MAT1A: variants seen among roughly 807,000 people sequenced by gnomAD.
MAT1A encodes the protein S-adenosylmethionine synthase isoform type-1.
A neutral mutation model predicts 44.0 loss-of-function variants in MAT1A; 19 were observed. The observed-to-expected ratio is 0.43, with a 90% confidence interval of 0.30 to 0.63. MAT1A has a LOEUF of 0.63. Ranked by LOEUF, MAT1A falls within the 30% of genes least tolerant of loss-of-function variation. MAT1A has a pLI of 0.12. For synonymous variants in MAT1A, 205 were observed against 205.6 expected, an observed-to-expected ratio of 1.00 and a Z score of 0.03; for missense variants, 397 against 531.0, an observed-to-expected ratio of 0.75 and a Z score of 2.48.
rs778011816 is a variant in MAT1A, at chr10:80,275,197, C to G, written c.771G>C (p.Gly257=). The change falls in exon 7 of 9, where the codon GGG becomes GGC. Residue 257 remains glycine, a splice_region_variant and synonymous_variant. Transcript: ENST00000372213. ...TCTTACGGCCAGTGACACCCGCATC[C>G]CCCTGCAGAGGGAGAGAAATCAAGA... The part of the protein sequence containing the change: ...SGRFVIGGPQ[G]DAGVTGRKII... 1 of 1,612,262 alleles carries G rather than the reference C, an allele frequency of 6.2e-7. No individual in the cohort carries two copies. Among genetic ancestry groups the G allele is most frequent in the East Asian group, 2.2e-5 (1 of 44,878 alleles).
rs747815586 is a variant in MAT1A, at chr10:80,283,988, T to C, written c.220A>G (p.Met74Val). ...MVLLCGEITS[M>V]AMVDYQRVVR... ...ACCCGCTGGTAGTCCACCATGGCCA[T>C]TGAGGTGATCTCACCACACAGCAGC... Residue 74 changes from methionine (M) to valine (V), a missense_variant, in exon 3 of 9, where the codon ATG becomes GTG. Transcript: ENST00000372213. The C allele has an allele frequency of 1.2e-6, 2 of 1,614,174 alleles. No individual in the cohort carries two copies. Among genetic ancestry groups the C allele is most frequent in the Admixed American group, 1.7e-5 (1 of 60,022 alleles).
chr10:80,288,406 G>A (rs1356732418), intron 1 of MAT1A, among the ~76,000 whole-genome samples: 1 of 152,154 alleles, frequency 6.6e-6, no homozygotes, highest in Non-Finnish European at 1.5e-5. Context: ...GTCTTGACAA[G>A]CCCTCTGGGG....
chr10:80,273,505 C>T lies in MAT1A; in HGVS notation c.*276G>A, dbSNP rs1300010636. 11 of 442,430 alleles carry T rather than the reference C, an allele frequency of 2.5e-5. No individual in the cohort carries two copies. Among genetic ancestry groups the T allele is most frequent in the South Asian group, 6.3e-5 (3 of 47,754 alleles). 27.4% of individuals were successfully genotyped at this position (442,430 alleles called of 1,614,324 possible). ...GACGAGTGAGGGAATTCACTCTTGA[C>T]GGGGGTGCCTTTTCCACTAAATTAA... is the stretch of plus-strand genomic sequence containing the variant. On this transcript the variant is annotated 3_prime_UTR_variant, in exon 9 of 9. Transcript: ENST00000372213.
Position 80,271,962 on chromosome 10 carries a change from G to A in MAT1A, c.*1819C>T, listed in dbSNP as rs1214120061. ...GTATAAAATTCTGAATTTTCATGTCGAGTGTGAGCCAAGTTAGAGGAACTT... is the reference window on the plus strand; with the variant it reads ...GTATAAAATTCTGAATTTTCATGTCAAGTGTGAGCCAAGTTAGAGGAACTT... On this transcript the variant is annotated 3_prime_UTR_variant, in exon 9 of 9. Coordinates refer to ENST00000372213, the MANE Select transcript of MAT1A (RefSeq NM_000429.3). 1.3e-5 allele frequency: 2 copies of A among 152,060 alleles called. No individual in the cohort carries two copies. The highest frequency in any genetic ancestry group is 2.4e-5 in the African/African-American group (1 of 41,416). 9.4% of individuals were successfully genotyped at this position (152,060 alleles called of 1,614,324 possible).
At chr10:80,278,786 C>T (rs1407558842) in intron 5 of MAT1A, among the ~76,000 whole-genome samples, 2 of 152,256 alleles carry the variant, frequency 1.3e-5, no homozygotes, top group Non-Finnish European at 2.9e-5. Flanking sequence ...TGGAGCCACA[C>T]ACAGCACGCT....
At chr10:80,280,341 G>A (rs368230592) in intron 4 of MAT1A, 25 bp from the exon 5 acceptor site, 270 of 1,612,920 alleles carry the variant, frequency 1.7e-4, no homozygotes, top group Non-Finnish European at 2.1e-4. Flanking sequence ...CAGGCTGAGC[G>A]GCGCCCACCC....
At position 80,273,610 on chromosome 10, in the gene MAT1A, C is replaced by A; in HGVS notation, c.*171G>T. ...AGATCCAACCTCCAGCACCAGGAAG[C>A]CCCTGCCTCCAGCTGGCCATGATGA... On this transcript the variant is annotated 3_prime_UTR_variant, in exon 9 of 9. Transcript: ENST00000372213. 1.5e-6 allele frequency: 1 copy of A among 665,870 alleles called. No homozygotes were observed. The highest frequency in any genetic ancestry group is 1.7e-5 in the South Asian group (1 of 59,226). 41.2% of individuals were successfully genotyped at this position (665,870 alleles called of 1,614,324 possible). A position where few individuals can be genotyped will look rare whatever the true frequency, so the allele number is the denominator to read the frequency against.
intron 1 of MAT1A, among the ~76,000 whole-genome samples, chr10:80,285,924 C>G (rs1476374121): frequency 6.6e-6 from 1 of 151,522 alleles, no homozygotes; most frequent in Non-Finnish European, 1.5e-5. Flanking sequence ...CTCCCGGGTT[C>G]AAGCAATCCT....
intron 1 of MAT1A, among the ~76,000 whole-genome samples, chr10:80,288,403 C>T (rs950154062): frequency 6.6e-6 from 1 of 152,182 alleles, no homozygotes; most frequent in African/African-American, 2.4e-5. Flanking sequence ...GTTGTCTTGA[C>T]AAGCCCTCTG....
At chr10:80,274,756 C>T (rs1841459581) in intron 7 of MAT1A, 103 bp from the exon 8 acceptor site, 3 of 1,502,784 alleles carry the variant, frequency 2.0e-6, no homozygotes, top group East Asian at 4.7e-5. Flanking sequence ...GACCACATGC[C>T]TCTTGCCCCA....
chr10:80,288,643 C>T (rs971462133), intron 1 of MAT1A, among the ~76,000 whole-genome samples: 2 of 152,198 alleles, frequency 1.3e-5, no homozygotes, highest in African/African-American at 2.4e-5. Context: ...TAGAGGTCTA[C>T]CCCAGCAGTG....
Position 80,275,381 on chromosome 10 carries a change from C to G in MAT1A, c.769-182G>C, listed in dbSNP as rs891914151. 4.7e-6 allele frequency: 3 copies of G among 643,630 alleles called. No individual in the cohort carries two copies. The Admixed American group carries it at 7.4e-5, about 16-fold the overall frequency. The allele number at this position is 643,630 out of a possible 1,614,324, so 39.9% of individuals were successfully genotyped here. A position where few individuals can be genotyped will look rare whatever the true frequency, so the allele number is the denominator to read the frequency against. On this transcript the variant is annotated intron_variant, in intron 6 of 8. Coordinates refer to ENST00000372213, the MANE Select transcript of MAT1A (RefSeq NM_000429.3). ...ACTCCACTCCCAGCTCAGTCACTGA[C>G]AACATATTGAAAACAGGTAACCTGC...
chr10:80,280,363 G>T (rs778757635), intron 4 of MAT1A, 47 bp from the exon 5 acceptor site: 3 of 1,610,254 alleles, frequency 1.9e-6, no homozygotes, highest in South Asian at 2.2e-5. Flanking sequence ...AGACCAAGAG[G>T]ACCGCAGCTC....
At position 80,274,528 on chromosome 10, in the gene MAT1A, G is replaced by A; in HGVS notation, c.1077C>T (p.Val359=). ...VHKNFDLRPG[V]IVRDLDLKKP... ...AGCGCATGGCACTTTACCTGACAAT[G>A]ACGCCCGGCCGGAGGTCGAAGTTCT... is the stretch of plus-strand genomic sequence containing the variant. Residue 359 remains valine (V), a synonymous_variant, in exon 8 of 9, where the codon GTC becomes GTT. Transcript: ENST00000372213. 1.9e-6 allele frequency: 3 copies of A among 1,614,160 alleles called. No individual in the cohort carries two copies. Among genetic ancestry groups the A allele is most frequent in the Non-Finnish European group, 2.5e-6 (3 of 1,180,028 alleles).
chr10:80,286,418 A>G (rs1359756434), intron 1 of MAT1A, among the ~76,000 whole-genome samples: 1 of 152,172 alleles, frequency 6.6e-6, no homozygotes, highest in Non-Finnish European at 1.5e-5. Flanking sequence ...GAATTCTACA[A>G]GATAACCCCT....
At chr10:80,281,095 G>A (rs1841560398) in intron 3 of MAT1A, among the ~76,000 whole-genome samples, 1 of 152,116 alleles carries the variant, frequency 6.6e-6, no homozygotes, top group Non-Finnish European at 1.5e-5. Flanking sequence ...ATTAAAACAA[G>A]GTGATGCCAA....
At chr10:80,280,394 C>CTGGTG in intron 4 of MAT1A, 78 bp from the exon 5 acceptor site, 1 of 1,573,800 alleles carries the variant, frequency 6.4e-7, no homozygotes, top group Non-Finnish European at 8.7e-7. Flanking sequence ...TGAAATCTCC[C>CTGGTG]TGGTGTGTCC....
chr10:80,289,496 TTC>T lies in MAT1A; in HGVS notation c.-75_-74del, dbSNP rs1841693388. ...GCTGTGACTTTGCCTGAGTTTTTTT[TTC>T]TTCTTCTTCTTCTTCTTTCAACCCA... On this transcript the variant is annotated 5_prime_UTR_variant, in exon 1 of 9. Coordinates refer to ENST00000372213, the MANE Select transcript of MAT1A (RefSeq NM_000429.3). 40 of 790,576 alleles carry T rather than the reference TTC, an allele frequency of 5.1e-5. No homozygotes were observed. The highest frequency in any genetic ancestry group is 7.1e-5 in the Non-Finnish European group (37 of 518,544). The allele number at this position is 790,576 out of a possible 1,614,324, so 49.0% of individuals were successfully genotyped here.
chr10:80,280,369 A>C, intron 4 of MAT1A, 53 bp from the exon 5 acceptor site: 1 of 1,607,770 alleles, frequency 6.2e-7, no homozygotes, highest in Non-Finnish European at 8.5e-7. Flanking sequence ...AGAGGACCGC[A>C]GCTCTCTCCA....
Sources: allele counts gnomAD v4.1 joint callset (sites outside exome capture counted in the v4.1 genomes callset), GRCh38; gene constraint gnomAD v4.1.1; transcripts MANE v1.5; gene names NCBI Gene and HGNC (gene_info 2026-07-23, HGNC 2026-07-21).